Variants in PITPNM3 observed in about 807,000 individuals in gnomAD.
The protein encoded by PITPNM3 is PITPNM family member 3.
In PITPNM3, 26 loss-of-function variants were observed where a neutral mutation model predicts 102.0. The ratio of observed to expected loss-of-function variants is 0.25; its 90% CI spans 0.19 to 0.35. The LOEUF (loss-of-function observed/expected upper bound fraction) is 0.35, where lower values mean the gene tolerates loss of function less well. Among genes scored for constraint, PITPNM3 ranks in the 10% least tolerant of loss-of-function variants. The pLI is 1.00. For synonymous variants in PITPNM3, 578 were observed against 558.6 expected (o/e 1.03, Z -0.49); for missense variants, 1,083 against 1,346.1 (o/e 0.80, Z 3.06).
intron 4 of PITPNM3, among the ~76,000 whole-genome samples, chr17:6,490,824 G>T (rs1309052735): frequency 6.6e-6 from 1 of 150,376 alleles, no homozygotes; most frequent in African/African-American, 2.5e-5. Context: ...CGTGGTGGTG[G>T]GCACGTATTT....
intron 1 of PITPNM3, among the ~76,000 whole-genome samples, chr17:6,552,961 G>A (rs903475594): frequency 9.9e-5 from 15 of 151,634 alleles, no homozygotes; most frequent in African/African-American, 3.4e-4. Flanking sequence ...TAGTAGAGAC[G>A]GGGTTTCACC....
Position 6,547,821 on chromosome 17 carries a change from C to T in PITPNM3, c.22+8564G>A, listed in dbSNP as rs540345179. 1.3e-3 allele frequency among the ~76,000 whole-genome samples: 199 copies of T among 152,062 alleles called. 1 individual carries two copies. The highest frequency in any genetic ancestry group is 4.6e-3 in the African/African-American group (192 of 41,478). On this transcript the variant is annotated intron_variant, in intron 1 of 19. Transcript: ENST00000262483. ...CACGATCTCGGCTCACTGCAACCTC[C>T]GCCTCCCAGGTTCTCTCCTGCCTCA...
chr17:6,518,980 C>T (rs1185125926), intron 3 of PITPNM3, among the ~76,000 whole-genome samples: 3 of 152,030 alleles, frequency 2.0e-5, no homozygotes, highest in Non-Finnish European at 4.4e-5. Flanking sequence ...CCTGGAGATC[C>T]CATGCAATGC....
At chr17:6,531,147 T>C (rs924209336) in intron 2 of PITPNM3, among the ~76,000 whole-genome samples, 3 of 152,222 alleles carry the variant, frequency 2.0e-5, no homozygotes, top group African/African-American at 7.2e-5. Context: ...ATTTCCAATA[T>C]CCAAATAATT....
rs1904677305 is a variant in PITPNM3 at position 6,464,845 on chromosome 17, T to C, written c.1891-74A>G. On this transcript the variant is annotated intron_variant, in intron 14 of 19. Coordinates refer to ENST00000262483, the MANE Select transcript of PITPNM3 (RefSeq NM_031220.4). Reference sequence around the variant, plus strand: ...CCTTGCTTTATCATTGCAGTGTTCCTCAGACTGGCTGGAGGCATATCAGCT... The same window carrying C: ...CCTTGCTTTATCATTGCAGTGTTCCCCAGACTGGCTGGAGGCATATCAGCT... 12 of 1,388,978 alleles carry C rather than the reference T, an allele frequency of 8.6e-6. No individual in the cohort carries two copies. The Admixed American group carries it at 1.0e-4, about 12-fold the overall frequency. 86.0% of individuals were successfully genotyped at this position (1,388,978 alleles called of 1,614,324 possible). A position where few individuals can be genotyped will look rare whatever the true frequency, so the allele number is the denominator to read the frequency against.
intron 19 of PITPNM3, among the ~76,000 whole-genome samples, chr17:6,456,786 C>T (rs1274203223): frequency 6.6e-6 from 1 of 152,150 alleles, no homozygotes; most frequent in African/African-American, 2.4e-5. Flanking sequence ...GTGGCACCTC[C>T]TACGTGGTCA....
intron 4 of PITPNM3, among the ~76,000 whole-genome samples, chr17:6,487,478 C>A (rs944952569): frequency 2.0e-5 from 3 of 152,208 alleles, no homozygotes; most frequent in Non-Finnish European, 4.4e-5. Flanking sequence ...CGCCTCCACA[C>A]TTGCCTGCCC....
intron 3 of PITPNM3, among the ~76,000 whole-genome samples, chr17:6,512,390 G>A (rs1037733688): frequency 1.7e-4 from 26 of 152,224 alleles, no homozygotes; most frequent in African/African-American, 5.3e-4. Context: ...GTGGAAGGAA[G>A]ATGTCCAACT....
chr17:6,495,491 C>CT (rs1555554909), intron 4 of PITPNM3, among the ~76,000 whole-genome samples: 1 of 152,130 alleles, frequency 6.6e-6, no homozygotes, highest in Non-Finnish European at 1.5e-5. Flanking sequence ...CGGGTCCCTT[C>CT]GCAACTCCAG....
chr17:6,513,070 C>CAA lies in PITPNM3; in HGVS notation c.227-9498_227-9497dup, dbSNP rs111265571. 9.3e-3 allele frequency among the ~76,000 whole-genome samples: 1,203 copies of CAA among 129,850 alleles called. 18 individuals are homozygous for CAA. The highest frequency in any genetic ancestry group is 0.029 in the African/African-American group (1,085 of 36,900). 85.2% of individuals were successfully genotyped at this position (129,850 alleles called of 152,430 possible). ...ACATGAACATCTCAATACATGTCTGCAAAAAAAAAAAAAATCCTGCAAAAT... is the reference window on the plus strand; with the variant it reads ...ACATGAACATCTCAATACATGTCTGCAAAAAAAAAAAAAAAATCCTGCAAAAT... On this transcript the variant is annotated intron_variant, in intron 3 of 19. Coordinates refer to ENST00000262483, the MANE Select transcript of PITPNM3 (RefSeq NM_031220.4).
chr17:6,486,328 C>T (rs975221196), intron 4 of PITPNM3, among the ~76,000 whole-genome samples: 8 of 152,174 alleles, frequency 5.3e-5, no homozygotes, highest in Admixed American at 3.9e-4. Flanking sequence ...ACACCCCACC[C>T]CCACCAGAGC....
At chr17:6,530,057 G>A (rs1456381642) in intron 2 of PITPNM3, among the ~76,000 whole-genome samples, 1 of 152,186 alleles carries the variant, frequency 6.6e-6, no homozygotes, top group Non-Finnish European at 1.5e-5. Context: ...CTCCCTCCAG[G>A]AGACAAACAG....
intron 4 of PITPNM3, among the ~76,000 whole-genome samples, chr17:6,501,303 C>T (rs984953632): frequency 2.0e-5 from 3 of 152,186 alleles, no homozygotes; most frequent in African/African-American, 7.2e-5. Context: ...AATGTTTTGA[C>T]ATCTCTGGGG....
At chr17:6,456,544 C>T (rs1426126133) in intron 19 of PITPNM3, among the ~76,000 whole-genome samples, 1 of 152,180 alleles carries the variant, frequency 6.6e-6, no homozygotes, top group Non-Finnish European at 1.5e-5. Context: ...GGCAGAACTT[C>T]CGGCCCTCTC....
intron 6 of PITPNM3, chr17:6,481,853 T>TAGAGAGAGAGAGAGAGAG (rs369845541): frequency 2.9e-5 from 2 of 68,460 alleles, no homozygotes; most frequent in African/African-American, 1.0e-4. Context: ...AATAGAATGA[T>TAGAGAGAGAGAGAGAGAG]AGAGAGAGAG....
intron 4 of PITPNM3, among the ~76,000 whole-genome samples, chr17:6,490,593 G>A (rs1452802482): frequency 1.3e-5 from 2 of 152,094 alleles, no homozygotes; most frequent in African/African-American, 4.8e-5. Context: ...CCAGCTAGGG[G>A]CTTGGCGTTG....
intron 2 of PITPNM3, among the ~76,000 whole-genome samples, chr17:6,534,443 T>C (rs1909304109): frequency 6.6e-6 from 1 of 152,152 alleles, no homozygotes; most frequent in East Asian, 1.9e-4. Flanking sequence ...TCCAAGGGCC[T>C]CTCCAGGTGA....
chr17:6,457,779 C>T lies in PITPNM3; in HGVS notation c.2491-57G>A, dbSNP rs1374733061. 11 of 1,549,632 alleles carry T rather than the reference C, an allele frequency of 7.1e-6. No homozygotes were observed. The African/African-American group carries it at 9.6e-5, about 13-fold the overall frequency. Reference sequence around the variant, plus strand: ...GAGGCCAGCCCACCCCCTGGAAAGCCTTCCCAGGCCAACCCCAGGGGGCCC... The same window carrying T: ...GAGGCCAGCCCACCCCCTGGAAAGCTTTCCCAGGCCAACCCCAGGGGGCCC... On this transcript the variant is annotated intron_variant, in intron 18 of 19. Coordinates refer to ENST00000262483, the MANE Select transcript of PITPNM3 (RefSeq NM_031220.4). The surrounding 1 kb of genome is among the most constrained non-coding windows in gnomAD (Gnocchi z 4.7).
At position 6,455,591 on chromosome 17, in the gene PITPNM3, C is replaced by T; in HGVS notation, c.2672G>A (p.Arg891His). 1 of 1,560,010 alleles carries T rather than the reference C, an allele frequency of 6.4e-7. No individual in the cohort carries two copies. The highest frequency in any genetic ancestry group is 8.6e-7 in the Non-Finnish European group (1 of 1,156,592). The change falls in exon 20 of 20, where the codon CGC becomes CAC. Residue 891 changes from arginine (R) to histidine (H), a missense_variant. This residue lies in a region of PITPNM3 where 208 missense variants were observed against 178.2 expected (regional missense o/e 1.17). Coordinates refer to ENST00000262483, the MANE Select transcript of PITPNM3 (RefSeq NM_031220.4). ...CGAGTTGTTCTTCTTTGGGCGTGAG[C>T]GGTGGCTGGCCTCCAGCGCGGCCAG... is the stretch of plus-strand genomic sequence containing the variant. ...AHLAALEASH[R>H]SRPKKNNSRM...
Sources: gnomAD v4.1 joint callset for allele counts (sites outside exome capture counted in the v4.1 genomes callset) on GRCh38, gnomAD v4.1.1 for gene constraint, gnomAD v4.1.1 regional missense constraint, Gnocchi (gnomAD v3.1) non-coding constraint, MANE v1.5 for transcripts, NCBI Gene and HGNC (gene_info 2026-07-23, HGNC 2026-07-21) for gene names.